SHANK2: variants seen among roughly 807,000 people sequenced by gnomAD.
SHANK2 encodes SH3 and multiple ankyrin repeat domains 2.
A neutral mutation model predicts 133.7 loss-of-function variants in SHANK2; 43 were observed. The observed-to-expected ratio is 0.32, with a 90% CI of 0.25 to 0.41. The LOEUF is 0.41. SHANK2 is among the 10% of genes least tolerant of loss of function. The pLI is 1.00. For synonymous variants in SHANK2, 1,017 were observed against 952.8 expected, an observed-to-expected ratio of 1.07 and a Z score of -1.24; for missense variants, 1,994 against 2,235.8, an observed-to-expected ratio of 0.89 and a Z score of 2.18.
chr11:71,171,993 T>A (rs993335574), intron 2 of SHANK2, among the ~76,000 whole-genome samples: 1 of 152,154 alleles, frequency 6.6e-6, no homozygotes, highest in African/African-American at 2.4e-5. Flanking sequence ...GGAGGCCTCC[T>A]TGGGGCAGCA....
intron 15 of SHANK2, among the ~76,000 whole-genome samples, chr11:70,666,722 C>A (rs1405813768): frequency 1.3e-5 from 2 of 152,182 alleles, no homozygotes; most frequent in Non-Finnish European, 2.9e-5. Context: ...GTTGGGACAG[C>A]CTTCTCCAAG....
intron 9 of SHANK2, among the ~76,000 whole-genome samples, chr11:71,067,164 G>A (rs1250574476): frequency 5.9e-5 from 9 of 152,310 alleles, no homozygotes; most frequent in African/African-American, 2.2e-4. Flanking sequence ...CCAATGCTCA[G>A]GGGGCCATCA....
Position 71,094,599 on chromosome 11 carries a change from C to A in SHANK2, c.682G>T (p.Ala228Ser). The A allele has an allele frequency of 6.4e-7, 1 of 1,551,662 alleles. No homozygotes were observed. Among genetic ancestry groups the A allele is most frequent in the Non-Finnish European group, 8.7e-7 (1 of 1,146,968 alleles). ...KNGGAHLDFR[A>S]KDGMTALHKA... is the part of the protein sequence containing the mutation. ...TGTAGGGCGGTCATCCCATCTTTGG[C>A]ACGGAAGTCCAGGTGAGCTCCACCA... is the stretch of plus-strand genomic sequence containing the variant. Residue 228 changes from alanine (A) to serine (S), a missense_variant, in exon 7 of 26, where the codon GCC (alanine) becomes TCC (serine). Around this residue, in one of 5 missense-constraint regions of SHANK2, gnomAD observed 653 missense variants for 563.4 expected, o/e 1.16. Coordinates refer to ENST00000601538, the MANE Select transcript of SHANK2 (RefSeq NM_012309.5).
At chr11:70,857,610 G>C (rs1949191805) in intron 11 of SHANK2, among the ~76,000 whole-genome samples, 1 of 152,162 alleles carries the variant, frequency 6.6e-6, no homozygotes, top group African/African-American at 2.4e-5. Context: ...ACAAGCAGTT[G>C]ACATACGGGT....
intron 10 of SHANK2, among the ~76,000 whole-genome samples, chr11:70,928,976 G>A (rs1047822594): frequency 7.9e-5 from 12 of 152,182 alleles, no homozygotes; most frequent in African/African-American, 2.9e-4. Flanking sequence ...GACCCTGGGG[G>A]AGTGCAGACC....
Position 71,175,551 on chromosome 11 carries a change from G to GGAGGGAGAGA in SHANK2, c.-12-28214_-12-28213insTCTCTCCCTC, listed in dbSNP as rs1953419078. ...CAGACAGACAGAGGGAGAGGGAGAG[G>GGAGGGAGAGA]GAGAGAGAGAGAGAGAGAGAGAGAG... On this transcript the variant is annotated intron_variant, in intron 2 of 25. Coordinates refer to ENST00000601538, the MANE Select transcript of SHANK2 (RefSeq NM_012309.5). The surrounding 1 kb of genome is among the most constrained non-coding windows in gnomAD (Gnocchi z 4.2). Among the ~76,000 whole-genome samples the GGAGGGAGAGA allele has an allele frequency of 4.9e-5, 2 of 40,652 alleles. No individual in the cohort carries two copies. The highest frequency in any genetic ancestry group is 1.0e-4 in the Non-Finnish European group (2 of 19,726). The allele number at this position is 40,652 out of a possible 152,430, so 26.7% of individuals were successfully genotyped here. A position where few individuals can be genotyped will look rare whatever the true frequency, so the allele number is the denominator to read the frequency against.
At chr11:70,497,210 G>A (rs1290397151) in intron 21 of SHANK2, among the ~76,000 whole-genome samples, 1 of 152,212 alleles carries the variant, frequency 6.6e-6, no homozygotes, top group Non-Finnish European at 1.5e-5. Context: ...GATCATGCTG[G>A]CCTGACTTGC....
intron 7 of SHANK2, among the ~76,000 whole-genome samples, chr11:71,093,051 A>AGGC (rs1555094442): frequency 2.8e-5 from 2 of 70,546 alleles, no homozygotes; most frequent in East Asian, 1.1e-3. Flanking sequence ...TCAAAAATAA[A>AGGC]GGGGGGGGGG....
In SHANK2 at chr11:71,204,805, G is replaced by A. The variant is rs115797030; in HGVS notation, c.-13+19892C>T. ...GCCACGCCAGACAAGTCCTGGGAAG[G>A]GGGCAGGAGGCAGGGGTTCGGAGCA... On this transcript the variant is annotated intron_variant, in intron 2 of 25. Transcript: ENST00000601538. Among the ~76,000 whole-genome samples, 1,023 of 152,314 alleles carry A rather than the reference G, an allele frequency of 6.7e-3. 10 individuals are homozygous for A. The highest frequency in any genetic ancestry group is 0.024 in the African/African-American group (990 of 41,566).
In SHANK2 at chr11:70,820,347, C is replaced by A. The variant is rs904406470; in HGVS notation, c.1493+17G>T. 2 of 604,650 alleles carry A rather than the reference C, an allele frequency of 3.3e-6. No individual in the cohort carries two copies. The highest frequency in any genetic ancestry group is 2.6e-4 in the Middle Eastern group (1 of 3,870). The allele number at this position is 604,650 out of a possible 1,614,324, so 37.5% of individuals were successfully genotyped here. ...CACGTGGCGGTCTTCCTTCCCTTGG[C>A]GTCTGCCACTCCTTACCCGACATGC... is the stretch of plus-strand genomic sequence containing the variant. On this transcript the variant is annotated intron_variant, in intron 12 of 25. Transcript: ENST00000601538.
chr11:70,546,759 G>C, intron 17 of SHANK2, among the ~76,000 whole-genome samples: 1 of 152,168 alleles, frequency 6.6e-6, no homozygotes, highest in East Asian at 1.9e-4. Flanking sequence ...GGGGAACAAT[G>C]CATACACCTC....
intron 17 of SHANK2, among the ~76,000 whole-genome samples, chr11:70,623,431 G>A (rs1465510007): frequency 6.6e-6 from 1 of 152,170 alleles, no homozygotes; most frequent in Non-Finnish European, 1.5e-5. Context: ...TTCTGGCCTG[G>A]CTCCTGCCTC....
intron 25 of SHANK2, among the ~76,000 whole-genome samples, chr11:70,481,260 G>A (rs574595868): frequency 6.6e-6 from 1 of 152,228 alleles, no homozygotes; most frequent in Admixed American, 6.5e-5. Flanking sequence ...TCTTCCTTTC[G>A]TCGGCGTATT....
intron 1 of SHANK2, among the ~76,000 whole-genome samples, chr11:71,230,764 C>A (rs1458952400): frequency 1.3e-5 from 2 of 152,102 alleles, no homozygotes; most frequent in East Asian, 1.9e-4. Flanking sequence ...CCAGAAAAAA[C>A]CCACACAAAT....
intron 21 of SHANK2, chr11:70,495,840 C>T (rs2058962831): frequency 5.0e-6 from 1 of 200,462 alleles, no homozygotes; most frequent in Non-Finnish European, 1.1e-5. Context: ...GCCGCAGAAT[C>T]CAGCCCACCT....
At chr11:70,901,822 C>A (rs532931181) in intron 10 of SHANK2, among the ~76,000 whole-genome samples, 1 of 152,234 alleles carries the variant, frequency 6.6e-6, no homozygotes, top group Non-Finnish European at 1.5e-5. Flanking sequence ...GGATGTCAGA[C>A]GTGGTGAATG....
At chr11:70,724,122 G>A (rs1323633389) in intron 14 of SHANK2, among the ~76,000 whole-genome samples, 1 of 151,222 alleles carries the variant, frequency 6.6e-6, no homozygotes, top group African/African-American at 2.4e-5. Flanking sequence ...TGCAACCTCT[G>A]CCTTGTGGGT....
chr11:70,766,910 C>T (rs1166928500), intron 14 of SHANK2, among the ~76,000 whole-genome samples: 1 of 152,140 alleles, frequency 6.6e-6, no homozygotes, highest in East Asian at 1.9e-4. Flanking sequence ...TTTAACCACA[C>T]GGAATTCTAA....
intron 11 of SHANK2, among the ~76,000 whole-genome samples, chr11:70,838,839 C>A (rs1486612973): frequency 6.6e-6 from 1 of 152,168 alleles, no homozygotes; most frequent in Non-Finnish European, 1.5e-5. Flanking sequence ...GCAACTCTGA[C>A]CCCAACCTCC....
Sources: gnomAD v4.1 joint callset for allele counts (sites outside exome capture counted in the v4.1 genomes callset) on GRCh38, gnomAD v4.1.1 for gene constraint, gnomAD v4.1.1 regional missense constraint, Gnocchi (gnomAD v3.1) non-coding constraint, MANE v1.5 for transcripts, NCBI Gene and HGNC (gene_info 2026-07-23, HGNC 2026-07-21) for gene names.